The following BCL11A variants were observed in gnomAD, a reference collection of about 807,000 sequenced individuals.
BCL11A encodes the protein B cell CLL/lymphoma 11A.
A neutral mutation model predicts 55.9 loss-of-function variants in BCL11A; 2 were observed. The ratio of observed to expected loss-of-function variants is 0.04; its 90% confidence interval spans 0.01 to 0.11. BCL11A has a LOEUF of 0.11. Among genes scored for constraint, BCL11A ranks in the 10% least tolerant of loss-of-function variants. BCL11A has a pLI of 1.00. For missense variants in BCL11A, 817 were observed against 1,137.1 expected (o/e 0.72, Z 4.05); for synonymous variants, 465 against 473.4 (o/e 0.98, Z 0.23).
intron 2 of BCL11A, among the ~76,000 whole-genome samples, chr2:60,473,653 CT>C (rs1401833698): frequency 6.6e-6 from 1 of 152,226 alleles, no homozygotes; most frequent in Non-Finnish European, 1.5e-5. Flanking sequence ...TCAGCCGCAT[CT>C]AGCTCTTGAC....
intron 3 of BCL11A, among the ~76,000 whole-genome samples, chr2:60,464,291 T>A (rs1268500567): frequency 6.6e-6 from 1 of 152,234 alleles, no homozygotes; most frequent in East Asian, 1.9e-4. Flanking sequence ...TAGTATCACA[T>A]TATCTGCCTA....
Position 60,460,586 on chromosome 2 carries a change from T to C in BCL11A, c.2326A>G (p.Asn776Asp). Residue 776 changes from asparagine to aspartate, a missense_variant, in exon 4 of 4, where the codon AAC becomes GAC. Physicochemically the swap from Asn to Asp is conservative, Grantham distance 23. Transcript: ENST00000642384. ...GERPYKCELCNYACAQSSKLT... is the reference protein window; with the variant it reads ...GERPYKCELCDYACAQSSKLT... ...TTGCTACTCTGGGCACAGGCATAGTTGCACAGCTCGCATTTATAAGGCCTT... is the reference window on the plus strand; with the variant it reads ...TTGCTACTCTGGGCACAGGCATAGTCGCACAGCTCGCATTTATAAGGCCTT... 6.2e-7 allele frequency: 1 copy of C among 1,614,158 alleles called. No individual in the cohort carries two copies. The highest frequency in any genetic ancestry group is 1.6e-4 in the Middle Eastern group (1 of 6,062).
In BCL11A at chr2:60,459,795, C is replaced by A. The variant is rs141136901; in HGVS notation, c.*609G>T. On this transcript the variant is annotated 3_prime_UTR_variant, in exon 4 of 4. Transcript: ENST00000642384. Reference sequence around the variant, plus strand: ...ATACATTTAACCCTTTAGAGACAGACATTTAGCTCATAGAGATTTTTTTTC... The same window carrying A: ...ATACATTTAACCCTTTAGAGACAGAAATTTAGCTCATAGAGATTTTTTTTC... 2.9e-5 allele frequency: 30 copies of A among 1,042,614 alleles called. No homozygotes were observed. The African/African-American group carries it at 4.7e-4, about 16-fold the overall frequency. 64.6% of individuals were successfully genotyped at this position (1,042,614 alleles called of 1,614,324 possible).
At position 60,468,724 on chromosome 2, in the gene BCL11A, C is replaced by A; in HGVS notation, c.487+8G>T. 2 of 1,598,394 alleles carry A rather than the reference C, an allele frequency of 1.3e-6. No individual in the cohort carries two copies. The highest frequency in any genetic ancestry group is 2.2e-5 in the South Asian group (2 of 90,616). ...GGACATTTGTAGAAGAAATAAGGCT[C>A]AACTTACAAATACCCTGCGGGGCAT... On this transcript the variant is annotated splice_region_variant and intron_variant, in intron 3 of 3. Transcript: ENST00000642384.
In BCL11A at chr2:60,545,837, C is replaced by T. The variant is rs2104747490; in HGVS notation, c.385+134G>A. On this transcript the variant is annotated intron_variant, in intron 2 of 3. Transcript: ENST00000642384. ...TAAGCAACAGAAATGATTATTTTAA[C>T]ATTACAGGGCTGTCATGGACAGTCA... 5.5e-6 allele frequency: 4 copies of T among 724,006 alleles called. No homozygotes were observed. In the East Asian group the frequency reaches 9.9e-5, roughly 18 times the overall value. The allele number at this position is 724,006 out of a possible 1,614,324, so 44.8% of individuals were successfully genotyped here. A position where few individuals can be genotyped will look rare whatever the true frequency, so the allele number is the denominator to read the frequency against.
intron 2 of BCL11A, chr2:60,541,648 T>A (rs1239505227): frequency 5.6e-6 from 2 of 355,476 alleles, no homozygotes; most frequent in Non-Finnish European, 1.0e-5. Flanking sequence ...AGGCTCCCTA[T>A]GAAAATCCTA....
chr2:60,501,692 G>A lies in BCL11A; in HGVS notation c.386-32859C>T, dbSNP rs187396371. ...TGGCTAAGTTTATATTTTTAATAGA[G>A]ATGAGGTTTCTCCATGTTGGTCAGG... On this transcript the variant is annotated intron_variant, in intron 2 of 3. Coordinates refer to ENST00000642384, the MANE Select transcript of BCL11A (RefSeq NM_022893.4). Among the ~76,000 whole-genome samples, 25 of 151,926 alleles carry A rather than the reference G, an allele frequency of 1.6e-4. No homozygotes were observed. The East Asian group carries it at 4.5e-3, about 27-fold the overall frequency.
At chr2:60,507,079 T>C (rs1317568292) in intron 2 of BCL11A, among the ~76,000 whole-genome samples, 1 of 151,966 alleles carries the variant, frequency 6.6e-6, no homozygotes, top group Non-Finnish European at 1.5e-5. Flanking sequence ...CTAATTTTTG[T>C]TCTGAAATAC....
downstream of BCL11A, among the ~76,000 whole-genome samples, chr2:60,454,853 T>C (rs1181429676): frequency 2.0e-5 from 3 of 152,250 alleles, no homozygotes; most frequent in Admixed American, 6.5e-5. Flanking sequence ...TATGATTATA[T>C]ACAATATGTA....
At chr2:60,510,739 G>C (rs924991823) in intron 2 of BCL11A, among the ~76,000 whole-genome samples, 2 of 152,114 alleles carry the variant, frequency 1.3e-5, no homozygotes, top group East Asian at 1.9e-4. Flanking sequence ...ATTCCAAACT[G>C]CCAGGAGGCC....
At chr2:60,532,449 G>A (rs1370634332) in intron 2 of BCL11A, among the ~76,000 whole-genome samples, 2 of 149,440 alleles carry the variant, frequency 1.3e-5, no homozygotes, top group Non-Finnish European at 3.0e-5. Flanking sequence ...TGGCGTTAAT[G>A]TTTCTTCAGA....
At chr2:60,485,619 C>G (rs535474758) in intron 2 of BCL11A, among the ~76,000 whole-genome samples, 1 of 152,226 alleles carries the variant, frequency 6.6e-6, no homozygotes, top group Non-Finnish European at 1.5e-5. Context: ...CGTCACGAAG[C>G]TGCTGAATAT....
rs946317588 is a variant in BCL11A, at chr2:60,553,132, CCT to C, written c.55+82_55+83del. 4.0e-5 allele frequency: 56 copies of C among 1,392,492 alleles called. 1 individual carries two copies. In the East Asian group the frequency reaches 5.3e-4, roughly 13 times the overall value. The allele number at this position is 1,392,492 out of a possible 1,614,324, so 86.3% of individuals were successfully genotyped here. On this transcript the variant is annotated intron_variant, in intron 1 of 3. Coordinates refer to ENST00000642384, the MANE Select transcript of BCL11A (RefSeq NM_022893.4). ...AAATTTAAAAATGCATGCACACACC[CCT>C]CTCTCCCCCTCGCTTTTGCTTCTAG...
Position 60,461,904 on chromosome 2 carries a change from G to A in BCL11A, c.1008C>T (p.Pro336=). 6.2e-7 allele frequency: 1 copy of A among 1,614,118 alleles called. No individual in the cohort carries two copies. The highest frequency in any genetic ancestry group is 1.1e-5 in the South Asian group (1 of 91,084). Residue 336 remains proline (P), a synonymous_variant, in exon 4 of 4, where the codon CCC becomes CCT. Coordinates refer to ENST00000642384, the MANE Select transcript of BCL11A (RefSeq NM_022893.4). ...TSSPPLSPGR[P]SPMQRLLQPF... is the part of the protein sequence containing the mutation. ...GTTGCAGTAACCTTTGCATAGGGCT[G>A]GGCCGGCCTGGGGACAGCGGTGGGC... is the stretch of plus-strand genomic sequence containing the variant.
intron 2 of BCL11A, chr2:60,500,047 A>G (rs1186487530): frequency 3.3e-5 from 5 of 152,782 alleles, no homozygotes; most frequent in Non-Finnish European, 7.3e-5. Flanking sequence ...GCTCTACTGT[A>G]GCTCCCTCCC....
chr2:60,478,214 C>G (rs1327473831), intron 2 of BCL11A: 3 of 152,354 alleles, frequency 2.0e-5, no homozygotes, highest in African/African-American at 7.2e-5. Context: ...AAAGTACTCT[C>G]CTCACATCCT....
At position 60,506,316 on chromosome 2, in the gene BCL11A, G is replaced by C. The variant is rs570005757; in HGVS notation, c.386-37483C>G. On this transcript the variant is annotated intron_variant, in intron 2 of 3. Transcript: ENST00000642384. ...GAGTCACCTTCACAGGCCAGCTGTGGTCTGACTTGCCACATCTAATGCCAC... is the reference window on the plus strand; with the variant it reads ...GAGTCACCTTCACAGGCCAGCTGTGCTCTGACTTGCCACATCTAATGCCAC... Among the ~76,000 whole-genome samples, 6 of 152,334 alleles carry C rather than the reference G, an allele frequency of 3.9e-5. No individual in the cohort carries two copies. The South Asian group carries it at 1.2e-3, about 32-fold the overall frequency.
chr2:60,458,300 CG>C lies in BCL11A; in HGVS notation c.*2103del, dbSNP rs1345132008. The C allele has an allele frequency of 2.0e-6, 2 of 1,025,308 alleles. No individual in the cohort carries two copies. The highest frequency in any genetic ancestry group is 3.4e-5 in the African/African-American group (2 of 58,436). 63.5% of individuals were successfully genotyped at this position (1,025,308 alleles called of 1,614,324 possible). On this transcript the variant is annotated 3_prime_UTR_variant, in exon 4 of 4. Coordinates refer to ENST00000642384, the MANE Select transcript of BCL11A (RefSeq NM_022893.4). Reference sequence around the variant, plus strand: ...TTTTTTTTTTTTACAACCTGAAGAGCGGTGTGTATCCAAGGCATAGAATTTC... The same window carrying C: ...TTTTTTTTTTTTACAACCTGAAGAGCGTGTGTATCCAAGGCATAGAATTTC...
chr2:60,545,947 CT>C (rs752570348), intron 2 of BCL11A, 23 bp downstream of exon 2: 1 of 1,596,634 alleles, frequency 6.3e-7, no homozygotes, highest in Admixed American at 1.7e-5. Context: ...ATGCAAACAG[CT>C]TTTCTCCTTG....
Sources: gnomAD v4.1 joint callset for allele counts (sites outside exome capture counted in the v4.1 genomes callset) on GRCh38, gnomAD v4.1.1 for gene constraint, MANE v1.5 for transcripts, NCBI Gene and HGNC (gene_info 2026-07-23, HGNC 2026-07-21) for gene names.